Variants in EPB41L3 observed in about 807,000 individuals in gnomAD.
The protein encoded by EPB41L3 is band 4.1-like protein 3.
A neutral mutation model predicts 127.1 loss-of-function variants in EPB41L3; 57 were observed. That is an observed-to-expected ratio of 0.45 (90% CI 0.36 to 0.56). EPB41L3 has a LOEUF of 0.56. EPB41L3 is among the 20% of genes least tolerant of loss of function. EPB41L3 has a pLI of 0.00. For synonymous variants in EPB41L3, 572 were observed against 549.5 expected (o/e 1.04, Z -0.57); for missense variants, 1,273 against 1,372.2 (o/e 0.93, Z 1.14).
intron 16 of EPB41L3, chr18:5,398,786 G>C (rs773189238): frequency 5.0e-6 from 2 of 399,258 alleles, no homozygotes; most frequent in South Asian, 1.3e-4. Flanking sequence ...CCTCACTCTC[G>C]GGCACTTGCT....
intron 2 of EPB41L3, among the ~76,000 whole-genome samples, chr18:5,488,467 G>A (rs986078100): frequency 9.2e-5 from 14 of 152,004 alleles, no homozygotes; most frequent in Non-Finnish European, 1.5e-5. Flanking sequence ...TAATGTAGAT[G>A]ATGGATTGAT....
chr18:5,542,033 T>C (rs2093744557), intron 1 of EPB41L3, among the ~76,000 whole-genome samples: 1 of 152,248 alleles, frequency 6.6e-6, no homozygotes, highest in African/African-American at 2.4e-5. Flanking sequence ...TATCAATGCC[T>C]TGCAAATTAA....
intron 8 of EPB41L3, among the ~76,000 whole-genome samples, chr18:5,430,219 G>A (rs539442160): frequency 4.6e-5 from 7 of 152,238 alleles, no homozygotes; most frequent in African/African-American, 1.7e-4. Context: ...ACCTCTCTGT[G>A]TCCCCAAATC....
At chr18:5,542,645 T>G (rs1598850743) in intron 1 of EPB41L3, among the ~76,000 whole-genome samples, 1 of 151,130 alleles carries the variant, frequency 6.6e-6, no homozygotes, top group African/African-American at 2.4e-5. Flanking sequence ...TAACACCACA[T>G]GTTTCCTTTA....
At chr18:5,513,443 C>T (rs1196786195) in intron 1 of EPB41L3, among the ~76,000 whole-genome samples, 1 of 152,170 alleles carries the variant, frequency 6.6e-6, no homozygotes, top group East Asian at 1.9e-4. Context: ...AATGGAAAGA[C>T]TTTTCTCTCA....
At chr18:5,396,173 G>T (rs1170400697) in intron 19 of EPB41L3, 28 bp downstream of exon 19, 1 of 1,613,854 alleles carries the variant, frequency 6.2e-7, no homozygotes, top group Admixed American at 1.7e-5. Flanking sequence ...TAAGCAGCCA[G>T]GGCTCTGGTC....
At chr18:5,608,036 G>C (rs1407764616) in intron 3 of EPB41L3, among the ~76,000 whole-genome samples, 1 of 152,158 alleles carries the variant, frequency 6.6e-6, no homozygotes, top group Non-Finnish European at 1.5e-5. Context: ...AGTGGCCTCT[G>C]GCAGGTTTAG....
At position 5,444,337 on chromosome 18, in the gene EPB41L3, G is replaced by GAACAAATCA. The variant is rs1415635211; in HGVS notation, c.487-458_487-457insTGATTTGTT. ...CCCTAACAAATCAATAGTTGCCTGT[G>GAACAAATCA]ATTTCCGATTTTCCTCATTGGTAAA... On this transcript the variant is annotated intron_variant, in intron 4 of 22. Coordinates refer to ENST00000341928, the MANE Select transcript of EPB41L3 (RefSeq NM_012307.5). 2.6e-5 allele frequency among the ~76,000 whole-genome samples: 4 copies of GAACAAATCA among 152,318 alleles called. No homozygotes were observed. In the South Asian group the frequency reaches 8.3e-4, roughly 32 times the overall value.
intron 2 of EPB41L3, among the ~76,000 whole-genome samples, chr18:5,488,376 G>A (rs2090125480): frequency 1.3e-5 from 2 of 151,794 alleles, no homozygotes; most frequent in East Asian, 3.9e-4. Context: ...AGAACACATG[G>A]ACGTAGGGAG....
chr18:5,553,043 CA>C (rs1384740184), intron 3 of EPB41L3, among the ~76,000 whole-genome samples: 2 of 152,078 alleles, frequency 1.3e-5, no homozygotes, highest in Non-Finnish European at 1.5e-5. Context: ...GCATTGGCTA[CA>C]AAGAAGAGAA....
chr18:5,586,977 C>G (rs181290318), intron 3 of EPB41L3, among the ~76,000 whole-genome samples: 1 of 152,036 alleles, frequency 6.6e-6, no homozygotes, highest in South Asian at 2.1e-4. Flanking sequence ...AGCAGTAAGA[C>G]CCTAACATAT....
chr18:5,428,519 C>T (rs952611807), intron 8 of EPB41L3, 54 bp from the exon 9 acceptor site: 5 of 1,600,768 alleles, frequency 3.1e-6, no homozygotes, highest in Middle Eastern at 1.7e-4. Flanking sequence ...TTTCCATTTT[C>T]TGCTGGGTAA....
intron 3 of EPB41L3, among the ~76,000 whole-genome samples, chr18:5,574,122 C>G (rs760329689): frequency 1.3e-5 from 2 of 152,078 alleles, no homozygotes; most frequent in Non-Finnish European, 2.9e-5. Context: ...GTGTCCTTCA[C>G]AGCTAATACA....
At chr18:5,441,151 C>A (rs1265389437) in intron 5 of EPB41L3, among the ~76,000 whole-genome samples, 2 of 152,198 alleles carry the variant, frequency 1.3e-5, no homozygotes, top group Admixed American at 1.3e-4. Context: ...CTTGGCCTCC[C>A]AAAGAACTGG....
intron 19 of EPB41L3, 102 bp downstream of exon 19, chr18:5,396,099 T>C (rs924777324): frequency 3.5e-5 from 50 of 1,416,326 alleles, no homozygotes; most frequent in Non-Finnish European, 4.6e-5. Context: ...CTGGATCCTC[T>C]AAGTCTCATG....
intron 1 of EPB41L3, among the ~76,000 whole-genome samples, chr18:5,626,926 G>T (rs906310330): frequency 1.3e-5 from 2 of 152,166 alleles, no homozygotes; most frequent in African/African-American, 2.4e-5. Context: ...TTGGCCTGGA[G>T]AAAAGAAGAA....
chr18:5,557,869 C>A (rs1316514078), intron 3 of EPB41L3, among the ~76,000 whole-genome samples: 1 of 151,984 alleles, frequency 6.6e-6, no homozygotes, highest in Non-Finnish European at 1.5e-5. Flanking sequence ...CCACTGAGCA[C>A]CAAAATAAAC....
chr18:5,545,928 G>A (rs1044157752), upstream of EPB41L3, among the ~76,000 whole-genome samples: 2 of 146,496 alleles, frequency 1.4e-5, no homozygotes, highest in East Asian at 4.1e-4. Flanking sequence ...TAGCACATAA[G>A]GTCTGTGAAT....
chr18:5,629,623 C>A (rs2094967339), upstream of EPB41L3, among the ~76,000 whole-genome samples: 1 of 152,164 alleles, frequency 6.6e-6, no homozygotes, highest in Admixed American at 6.5e-5. Context: ...TTCCCCAGGG[C>A]GAGCAAGGTC....
Sources: allele counts gnomAD v4.1 joint callset (sites outside exome capture counted in the v4.1 genomes callset), GRCh38; gene constraint gnomAD v4.1.1; transcripts MANE v1.5; gene names NCBI Gene and HGNC (gene_info 2026-07-23, HGNC 2026-07-21).